The following PARD3B variants were observed in gnomAD, a reference collection of about 807,000 sequenced individuals.
PARD3B encodes the protein par-3 family cell polarity regulator beta.
A neutral mutation model predicts 130.2 loss-of-function variants in PARD3B; 103 were observed. The observed-to-expected ratio is 0.79, with a 90% CI of 0.67 to 0.93. The LOEUF (loss-of-function observed/expected upper bound fraction) is 0.93. PARD3B is among the 40% of genes least tolerant of loss of function. The pLI, the probability that PARD3B is intolerant of heterozygous loss-of-function variation, is 0.00. For synonymous variants in PARD3B, 583 were observed against 553.2 expected (o/e 1.05, Z -0.76); for missense variants, 1,609 against 1,499.2 (o/e 1.07, Z -1.21).
chr2:204,930,673 T>C (rs1264380964), intron 2 of PARD3B, among the ~76,000 whole-genome samples: 2 of 152,036 alleles, frequency 1.3e-5, no homozygotes, highest in Admixed American at 6.6e-5. Context: ...TCAGTCCCCA[T>C]ATTCTGCAAC....
intron 1 of PARD3B, among the ~76,000 whole-genome samples, chr2:204,548,750 A>T (rs1278983020): frequency 6.6e-6 from 1 of 152,212 alleles, no homozygotes; most frequent in Non-Finnish European, 1.5e-5. Flanking sequence ...ACATGTAGAA[A>T]ATCTAGTTTC....
chr2:205,018,820 C>T (rs1326685954), intron 3 of PARD3B, among the ~76,000 whole-genome samples: 1 of 146,030 alleles, frequency 6.8e-6, no homozygotes, highest in African/African-American at 2.5e-5. Flanking sequence ...ATTTGCTTGG[C>T]CCAATGAGTT....
chr2:204,720,159 C>T (rs1487254369), intron 2 of PARD3B, among the ~76,000 whole-genome samples: 1 of 152,136 alleles, frequency 6.6e-6, no homozygotes, highest in Non-Finnish European at 1.5e-5. Flanking sequence ...TAATAATAGA[C>T]ATTTTACTCT....
intron 16 of PARD3B, among the ~76,000 whole-genome samples, chr2:205,260,204 A>G (rs1262700548): frequency 6.6e-6 from 1 of 152,166 alleles, no homozygotes; most frequent in East Asian, 1.9e-4. Context: ...GTGTTCAGGT[A>G]AAAAAGCAGC....
At chr2:204,990,129 A>C (rs959060572) in intron 3 of PARD3B, among the ~76,000 whole-genome samples, 1 of 152,090 alleles carries the variant, frequency 6.6e-6, no homozygotes, top group African/African-American at 2.4e-5. Flanking sequence ...GATATGAAAT[A>C]TTTCATTGTG....
chr2:205,246,771 C>T (rs537219606), intron 16 of PARD3B, among the ~76,000 whole-genome samples: 1 of 152,220 alleles, frequency 6.6e-6, no homozygotes, highest in South Asian at 2.1e-4. Flanking sequence ...TTTTTCCTTT[C>T]TTCTTTCTCC....
chr2:205,453,449 G>A (rs1285903422), intron 20 of PARD3B, among the ~76,000 whole-genome samples: 1 of 152,168 alleles, frequency 6.6e-6, no homozygotes, highest in Non-Finnish European at 1.5e-5. Context: ...CCAAGGCAAT[G>A]GGGAACGCTT....
intron 20 of PARD3B, among the ~76,000 whole-genome samples, chr2:205,442,624 C>G (rs796731631): frequency 2.0e-5 from 3 of 152,180 alleles, no homozygotes; most frequent in African/African-American, 7.2e-5. Flanking sequence ...TTATTGCAGT[C>G]TTTTTATGCC....
At chr2:204,747,481 A>C (rs573463057) in intron 2 of PARD3B, among the ~76,000 whole-genome samples, 1 of 152,318 alleles carries the variant, frequency 6.6e-6, no homozygotes, top group African/African-American at 2.4e-5. Flanking sequence ...AGGAAGAATC[A>C]GTATCGTGAA....
At chr2:205,267,809 A>G (rs2105787514) in intron 16 of PARD3B, among the ~76,000 whole-genome samples, 1 of 152,336 alleles carries the variant, frequency 6.6e-6, no homozygotes, top group Middle Eastern at 3.4e-3. Context: ...TGAAATTTTA[A>G]GGTTCTAGCT....
At chr2:204,981,090 A>G (rs1188753084) in intron 3 of PARD3B, among the ~76,000 whole-genome samples, 1 of 152,226 alleles carries the variant, frequency 6.6e-6, no homozygotes, top group Non-Finnish European at 1.5e-5. Flanking sequence ...AATTACTAAA[A>G]TGAAAGAATA....
At chr2:204,546,316 G>A in intron 1 of PARD3B, 197 bp downstream of exon 1, 1 of 754,130 alleles carries the variant, frequency 1.3e-6, no homozygotes, top group South Asian at 1.8e-5. Context: ...CGAGGGTCGT[G>A]AGTGGACCTG....
chr2:204,833,469 C>G (rs746699763), intron 2 of PARD3B, among the ~76,000 whole-genome samples: 2 of 151,926 alleles, frequency 1.3e-5, no homozygotes, highest in African/African-American at 4.8e-5. Flanking sequence ...TGAAACCCTT[C>G]GATATGGTTT....
intron 15 of PARD3B, among the ~76,000 whole-genome samples, chr2:205,194,716 A>C (rs1484911969): frequency 6.6e-6 from 1 of 152,166 alleles, no homozygotes; most frequent in Admixed American, 6.5e-5. Flanking sequence ...ATATTATGAA[A>C]CCTGTAAAAA....
intron 2 of PARD3B, among the ~76,000 whole-genome samples, chr2:204,707,795 T>C (rs1559076183): frequency 1.3e-5 from 2 of 152,238 alleles, no homozygotes; most frequent in Non-Finnish European, 2.9e-5. Context: ...GATTCCTTAA[T>C]ATTAAAATTT....
At chr2:204,926,551 A>G (rs572389258) in intron 2 of PARD3B, among the ~76,000 whole-genome samples, 172 of 152,242 alleles carry the variant, frequency 1.1e-3, no homozygotes, top group Admixed American at 3.1e-3. Flanking sequence ...GCCCCAGCGC[A>G]GTACTATGCC....
At chr2:204,728,187 CG>C (rs1427601586) in intron 2 of PARD3B, among the ~76,000 whole-genome samples, 1 of 152,142 alleles carries the variant, frequency 6.6e-6, no homozygotes, top group African/African-American at 2.4e-5. Flanking sequence ...GTTCGGAAGA[CG>C]GGCAGTTAGG....
intron 16 of PARD3B, among the ~76,000 whole-genome samples, chr2:205,279,514 A>G (rs532388377): frequency 6.6e-6 from 1 of 152,298 alleles, no homozygotes; most frequent in South Asian, 2.1e-4. Context: ...TTAAAACATC[A>G]GATTGTCCAA....
chr2:205,487,933 C>G (rs1467015117), intron 20 of PARD3B, among the ~76,000 whole-genome samples: 2 of 152,202 alleles, frequency 1.3e-5, no homozygotes, highest in African/African-American at 4.8e-5. Flanking sequence ...CAAGTACCAT[C>G]TAAACAACAT....
Sources: gnomAD v4.1 joint callset for allele counts (sites outside exome capture counted in the v4.1 genomes callset) on GRCh38, gnomAD v4.1.1 for gene constraint, MANE v1.5 for transcripts, NCBI Gene and HGNC (gene_info 2026-07-23, HGNC 2026-07-21) for gene names.